The following ATP6V1B1 variants were observed in gnomAD, a reference collection of about 807,000 sequenced individuals.
ATP6V1B1 encodes V-type proton ATPase subunit B, kidney isoform.
In ATP6V1B1, 41 loss-of-function variants were observed where a neutral mutation model predicts 62.1. The ratio of observed to expected loss-of-function variants is 0.66; its 90% confidence interval spans 0.51 to 0.86. The LOEUF (loss-of-function observed/expected upper bound fraction) is 0.86. Among genes scored for constraint, ATP6V1B1 ranks in the 40% least tolerant of loss-of-function variants. The pLI is 0.00. For synonymous variants in ATP6V1B1, 253 were observed against 273.4 expected (o/e 0.93, Z 0.74); for missense variants, 651 against 697.5 (o/e 0.93, Z 0.75).
At chr2:70,956,584 C>T (rs1215263375) in intron 2 of ATP6V1B1, among the ~76,000 whole-genome samples, 4 of 152,166 alleles carry the variant, frequency 2.6e-5, no homozygotes, top group Admixed American at 6.6e-5. Flanking sequence ...TCTTCACATC[C>T]TCAACACTTG....
intron 4 of ATP6V1B1, 82 bp from the exon 5 acceptor site, chr2:70,958,936 T>C: frequency 7.3e-7 from 1 of 1,369,394 alleles, no homozygotes. Flanking sequence ...GGGTGGGAGC[T>C]GGTGGTGGTG....
chr2:70,960,818 G>A, intron 6 of ATP6V1B1, 103 bp from the exon 7 acceptor site: 2 of 863,134 alleles, frequency 2.3e-6, no homozygotes, highest in Non-Finnish European at 3.5e-6. Context: ...TCACCTCTCT[G>A]GGCTTGGATC....
rs143835931 is a variant in ATP6V1B1, at chr2:70,959,037, C to A, written c.387C>A (p.Ser129=). 3.7e-6 allele frequency: 6 copies of A among 1,614,124 alleles called. No homozygotes were observed. In the South Asian group the frequency reaches 6.6e-5, roughly 18 times the overall value. Residue 129 remains serine (S), a synonymous_variant, in exon 5 of 14, where the codon TCC becomes TCA. Coordinates refer to ENST00000234396, the MANE Select transcript of ATP6V1B1 (RefSeq NM_001692.4). The surrounding 1 kb of genome is among the most constrained non-coding windows in gnomAD (Gnocchi z 4.2). ...EDMLGRVFNG[S]GKPIDKGPVV... Reference sequence around the variant, plus strand: ...CCTCAGGTCGGGTTTTCAATGGCTCCGGCAAGCCCATTGACAAGGGGCCAG... The same window carrying A: ...CCTCAGGTCGGGTTTTCAATGGCTCAGGCAAGCCCATTGACAAGGGGCCAG...
At chr2:70,958,995 C>A (rs1255461097) in intron 4 of ATP6V1B1, 23 bp from the exon 5 acceptor site, 2 of 1,612,798 alleles carry the variant, frequency 1.2e-6, no homozygotes, top group African/African-American at 2.7e-5. Flanking sequence ...GAGCACCCTG[C>A]AACACTCCTC....
intron 1 of ATP6V1B1, 36 bp downstream of exon 1, chr2:70,936,108 G>A: frequency 6.2e-7 from 1 of 1,606,898 alleles, no homozygotes; most frequent in Non-Finnish European, 8.5e-7. Context: ...GTGAGGTCAG[G>A]GTGGGGAGCT....
intron 2 of ATP6V1B1, among the ~76,000 whole-genome samples, chr2:70,950,872 A>G (rs888381050): frequency 1.4e-5 from 2 of 142,618 alleles, no homozygotes; most frequent in Non-Finnish European, 1.5e-5. Context: ...TTAATATATT[A>G]TCTCATTTGC....
intron 2 of ATP6V1B1, among the ~76,000 whole-genome samples, chr2:70,954,414 C>T (rs530055202): frequency 9.2e-5 from 14 of 152,230 alleles, no homozygotes; most frequent in African/African-American, 3.4e-4. Context: ...TTCTAACTTA[C>T]TTTTATGGTC....
chr2:70,946,369 C>G (rs1680174924), intron 2 of ATP6V1B1, among the ~76,000 whole-genome samples: 1 of 152,164 alleles, frequency 6.6e-6, no homozygotes, highest in African/African-American at 2.4e-5. Flanking sequence ...ATCCCAGATC[C>G]ATCCCACTCT....
intron 2 of ATP6V1B1, among the ~76,000 whole-genome samples, chr2:70,954,581 T>C (rs1680391538): frequency 6.6e-6 from 1 of 152,208 alleles, no homozygotes; most frequent in African/African-American, 2.4e-5. Flanking sequence ...TATTAGGAAT[T>C]TGGGAGGAAA....
At chr2:70,936,177 AAGACCTGGGG>A in intron 1 of ATP6V1B1, 105 bp downstream of exon 1, 1 of 1,231,664 alleles carries the variant, frequency 8.1e-7, no homozygotes, top group East Asian at 2.5e-5. Context: ...AGGAGGACCC[AAGACCTGGGG>A]AGACCTGGAG....
intron 1 of ATP6V1B1, 94 bp downstream of exon 1, chr2:70,936,166 G>A (rs1039023977): frequency 7.4e-6 from 10 of 1,350,166 alleles, no homozygotes; most frequent in Non-Finnish European, 9.4e-6. Flanking sequence ...CTCAGAAAAG[G>A]AGGAGGACCC....
intron 12 of ATP6V1B1, 21 bp downstream of exon 12, chr2:70,964,563 G>T (rs1353674898): frequency 1.9e-6 from 3 of 1,612,228 alleles, no homozygotes; most frequent in Non-Finnish European, 2.5e-6. Context: ...GAGGGTCCGG[G>T]GGCTGGTAGG....
At chr2:70,938,080 T>A (rs1679901446) in intron 1 of ATP6V1B1, among the ~76,000 whole-genome samples, 1 of 152,142 alleles carries the variant, frequency 6.6e-6, no homozygotes, top group Admixed American at 6.5e-5. Flanking sequence ...GCGCCTTTAC[T>A]TTTGCTGCCT....
chr2:70,952,531 A>G (rs929455413), intron 2 of ATP6V1B1, among the ~76,000 whole-genome samples: 3 of 151,918 alleles, frequency 2.0e-5, no homozygotes, highest in Admixed American at 2.0e-4. Flanking sequence ...TTCTATTTAC[A>G]TAATCTTATA....
At chr2:70,937,115 CTA>C (rs1679872670) in intron 1 of ATP6V1B1, among the ~76,000 whole-genome samples, 2 of 101,374 alleles carry the variant, frequency 2.0e-5, no homozygotes, top group Non-Finnish European at 3.9e-5. Context: ...CCCGCCACAG[CTA>C]TGCAGAGCCA....
chr2:70,946,301 C>T (rs202164892), intron 2 of ATP6V1B1, among the ~76,000 whole-genome samples: 9 of 152,300 alleles, frequency 5.9e-5, no homozygotes, highest in East Asian at 3.9e-4. Context: ...GTGTAAGGGA[C>T]GCCCCAGGAG....
chr2:70,964,815 T>C lies in ATP6V1B1; in HGVS notation c.1328T>C (p.Leu443Pro), dbSNP rs200135789. The C allele has an allele frequency of 6.2e-7, 1 of 1,614,070 alleles. No homozygotes were observed. Among genetic ancestry groups the C allele is most frequent in the African/African-American group, 1.3e-5 (1 of 75,030 alleles). Reference sequence around the variant, plus strand: ...GAGGAGGCGCTCACCTCTGAGGACCTGCTCTACCTGGAATTCCTGCAGAAG... The same window carrying C: ...GAGGAGGCGCTCACCTCTGAGGACCCGCTCTACCTGGAATTCCTGCAGAAG... Reference protein sequence around the residue: ...VGEEALTSEDLLYLEFLQKFE... With the variant: ...VGEEALTSEDPLYLEFLQKFE... Residue 443 changes from leucine (L) to proline (P), a missense_variant, in exon 13 of 14, where the codon CTG becomes CCG. By Grantham distance (98) the Leu-to-Pro change is moderately conservative (BLOSUM62 -3). Transcript: ENST00000234396.
chr2:70,958,093 T>C lies in ATP6V1B1; in HGVS notation c.222T>C (p.Thr74=), dbSNP rs782691539. The C allele has an allele frequency of 1.9e-6, 3 of 1,614,188 alleles. No homozygotes were observed. Among genetic ancestry groups the C allele is most frequent in the East Asian group, 4.5e-5 (2 of 44,888 alleles). Residue 74 remains threonine, a synonymous_variant, in exon 3 of 14, where the codon ACT becomes ACC. Transcript: ENST00000234396. ...EIVHFTLPDG[T]QRSGQVLEVA... Reference sequence around the variant, plus strand: ...TCCACTTCACCCTCCCAGATGGGACTCAGAGGAGCGGGCAGGTGCTTGAGG... The same window carrying C: ...TCCACTTCACCCTCCCAGATGGGACCCAGAGGAGCGGGCAGGTGCTTGAGG...
At chr2:70,942,002 T>A in intron 1 of ATP6V1B1, 1 of 1,045,580 alleles carries the variant, frequency 9.6e-7, no homozygotes, top group Non-Finnish European at 1.2e-6. Context: ...GGGGAGGAAC[T>A]GGAGAAGGAC....
Sources: allele counts gnomAD v4.1 joint callset (sites outside exome capture counted in the v4.1 genomes callset), GRCh38; gene constraint gnomAD v4.1.1; non-coding constraint Gnocchi (gnomAD v3.1); transcripts MANE v1.5; gene names NCBI Gene and HGNC (gene_info 2026-07-23, HGNC 2026-07-21).